Variants in AP1G1 observed in about 807,000 individuals in gnomAD.
AP1G1 encodes the protein adaptor related protein complex 1 subunit gamma 1.
A neutral mutation model predicts 108.3 loss-of-function variants in AP1G1; 7 were observed. The ratio of observed to expected loss-of-function variants is 0.06; its 90% CI spans 0.04 to 0.12. The LOEUF (loss-of-function observed/expected upper bound fraction) is 0.12. AP1G1 is among the 10% of genes least tolerant of loss of function. The pLI, the probability that AP1G1 is intolerant of heterozygous loss-of-function variation, is 1.00. For missense variants in AP1G1, 756 were observed against 1,010.7 expected, an observed-to-expected ratio of 0.75 and a Z score of 3.42; for synonymous variants, 379 against 353.5, an observed-to-expected ratio of 1.07 and a Z score of -0.81.
intron 1 of AP1G1, among the ~76,000 whole-genome samples, chr16:71,800,445 GC>G (rs2032752177): frequency 6.6e-6 from 1 of 151,490 alleles, no homozygotes; most frequent in South Asian, 2.1e-4. Flanking sequence ...ACTTTGGGAG[GC>G]CAAGGTGGGA....
intron 1 of AP1G1, chr16:71,807,724 G>A: frequency 3.1e-6 from 3 of 961,378 alleles, no homozygotes; most frequent in Non-Finnish European, 4.3e-6. Flanking sequence ...TCAAAGTTAA[G>A]GTCACTAAGA....
At chr16:71,766,220 C>G (rs2031306450) in intron 6 of AP1G1, among the ~76,000 whole-genome samples, 1 of 152,114 alleles carries the variant, frequency 6.6e-6, no homozygotes. Flanking sequence ...ATTTCCTCTT[C>G]CTATTCTTAA....
At chr16:71,749,173 T>G (rs12149873) in intron 15 of AP1G1, among the ~76,000 whole-genome samples, 69,428 of 151,330 alleles carry the variant, frequency 0.46, 16,443 homozygotes, top group South Asian at 0.63. Context: ...CGCCTTGGCC[T>G]CCCAAAGTGC....
chr16:71,761,450 A>G (rs2031080267), intron 10 of AP1G1, 62 bp downstream of exon 10: 2 of 1,163,870 alleles, frequency 1.7e-6, no homozygotes, highest in Non-Finnish European at 2.6e-6. Flanking sequence ...CTTGAGCAGA[A>G]TCGCTCTTAA....
At chr16:71,769,583 T>C (rs771275544) in intron 6 of AP1G1, 40 bp downstream of exon 6, 1 of 1,551,522 alleles carries the variant, frequency 6.4e-7, no homozygotes, top group Non-Finnish European at 8.9e-7. Context: ...AAAATCATTT[T>C]TCAATCAAGA....
At chr16:71,759,021 G>C (rs536946190) in intron 10 of AP1G1, 100 bp from the exon 11 acceptor site, 6 of 666,350 alleles carry the variant, frequency 9.0e-6, no homozygotes, top group East Asian at 5.9e-5. Context: ...ATGGATAAGA[G>C]AAAGCATACA....
At chr16:71,768,917 CAAAAAAAAAAAAAAA>C (rs58725744) in intron 6 of AP1G1, among the ~76,000 whole-genome samples, 1 of 42,188 alleles carries the variant, frequency 2.4e-5, no homozygotes, top group Non-Finnish European at 3.9e-5. Context: ...GACTCTGTCT[CAAAAAAAAAAAAAAA>C]AAAAAAAAGA....
At chr16:71,737,989 T>C (rs1313264513) in intron 21 of AP1G1, among the ~76,000 whole-genome samples, 1 of 152,254 alleles carries the variant, frequency 6.6e-6, no homozygotes. Flanking sequence ...ATACTTACTG[T>C]CTCATCTTTT....
chr16:71,789,263 T>C lies in AP1G1; in HGVS notation c.201+16A>G, dbSNP rs376266464. The C allele has an allele frequency of 6.2e-7, 1 of 1,607,388 alleles. No homozygotes were observed. ...CAAAGAATACCCTTGCTACATGTAGTCTCAGCCCAGCCTACCTGTCCAAAG... is the reference window on the plus strand; with the variant it reads ...CAAAGAATACCCTTGCTACATGTAGCCTCAGCCCAGCCTACCTGTCCAAAG... On this transcript the variant is annotated intron_variant, in intron 2 of 22. Transcript: ENST00000299980.
intron 21 of AP1G1, among the ~76,000 whole-genome samples, chr16:71,736,752 AT>A (rs10590605): frequency 0.23 from 28,075 of 123,756 alleles, 3,297 homozygotes; most frequent in South Asian, 0.46. Flanking sequence ...CGCCCGGCTA[AT>A]TTTTTTTTTT....
chr16:71,800,790 G>C (rs1242462742), intron 1 of AP1G1, among the ~76,000 whole-genome samples: 1 of 149,230 alleles, frequency 6.7e-6, no homozygotes, highest in Non-Finnish European at 1.5e-5. Context: ...AACACAGCGA[G>C]ACTCCGTCTC....
intron 11 of AP1G1, among the ~76,000 whole-genome samples, chr16:71,757,524 A>C (rs1236386434): frequency 6.6e-6 from 1 of 152,090 alleles, no homozygotes; most frequent in Non-Finnish European, 1.5e-5. Context: ...TTCAATCCTT[A>C]GATATAATAA....
At position 71,806,715 on chromosome 16, in the gene AP1G1, G is replaced by A; in HGVS notation, c.-4+2048C>T. The stretch of plus-strand genomic sequence containing the variant: ...TGAGTGAGCATTACATAGGTGTTCA[G>A]TGTTTGACAGTTCCTTTAAACCAAA... On this transcript the variant is annotated intron_variant, in intron 1 of 22. Transcript: ENST00000299980. 3.1e-6 allele frequency: 4 copies of A among 1,288,320 alleles called. No individual in the cohort carries two copies. The African/African-American group carries it at 6.1e-5, about 20-fold the overall frequency. 79.8% of individuals were successfully genotyped at this position (1,288,320 alleles called of 1,614,324 possible).
Position 71,746,837 on chromosome 16 carries a change from A to G in AP1G1, c.1626-145T>C, listed in dbSNP as rs2030206631. On this transcript the variant is annotated intron_variant, in intron 16 of 22. Coordinates refer to ENST00000299980, the MANE Select transcript of AP1G1 (RefSeq NM_001128.6). ...ATTTATATAGTTTTTCAAAAACAAA[A>G]CACTTTACTTTCATCCATTTATCTG... The G allele has an allele frequency of 3.4e-5, 20 of 585,962 alleles. No homozygotes were observed. In the South Asian group the frequency reaches 4.3e-4, roughly 13 times the overall value. The allele number at this position is 585,962 out of a possible 1,614,324, so 36.3% of individuals were successfully genotyped here.
intron 3 of AP1G1, among the ~76,000 whole-genome samples, chr16:71,773,871 T>C (rs993374880): frequency 1.3e-4 from 19 of 149,450 alleles, no homozygotes; most frequent in South Asian, 4.6e-4. Flanking sequence ...CAAGTGATTC[T>C]TCTGCCTCAG....
In AP1G1 at chr16:71,761,713, T is replaced by A. The variant is rs888860248; in HGVS notation, c.919-146A>T. 1.2e-4 allele frequency: 74 copies of A among 598,056 alleles called. No homozygotes were observed. The Middle Eastern group carries it at 1.3e-3, about 11-fold the overall frequency. The allele number at this position is 598,056 out of a possible 1,614,324, so 37.0% of individuals were successfully genotyped here. On this transcript the variant is annotated intron_variant, in intron 9 of 22. Transcript: ENST00000299980. Reference sequence around the variant, plus strand: ...AGCTGGGTGCGGTGGCTCACGCCTGTAATCCCAGAACTTTGGGAGGCCAAG... The same window carrying A: ...AGCTGGGTGCGGTGGCTCACGCCTGAAATCCCAGAACTTTGGGAGGCCAAG...
At chr16:71,776,935 C>T (rs535577656) in intron 2 of AP1G1, among the ~76,000 whole-genome samples, 80 of 151,734 alleles carry the variant, frequency 5.3e-4, no homozygotes, top group Non-Finnish European at 1.1e-3. Flanking sequence ...CATGATGAAA[C>T]CCCGTTTCTA....
chr16:71,806,422 T>A (rs994361723), intron 1 of AP1G1, among the ~76,000 whole-genome samples: 2 of 152,316 alleles, frequency 1.3e-5, no homozygotes, highest in Admixed American at 1.3e-4. Context: ...TTTAAATATT[T>A]TGGTAGAGAC....
At chr16:71,782,289 G>C (rs1248943474) in intron 2 of AP1G1, among the ~76,000 whole-genome samples, 1 of 151,614 alleles carries the variant, frequency 6.6e-6, no homozygotes, top group Non-Finnish European at 1.5e-5. Context: ...TCAGCCTCCG[G>C]AATACCTGGG....
Sources: gnomAD v4.1 joint callset for allele counts (sites outside exome capture counted in the v4.1 genomes callset) on GRCh38, gnomAD v4.1.1 for gene constraint, MANE v1.5 for transcripts, NCBI Gene and HGNC (gene_info 2026-07-23, HGNC 2026-07-21) for gene names.